The following INPP5D variants were observed in gnomAD, a reference collection of about 807,000 sequenced individuals.
INPP5D encodes inositol polyphosphate-5-phosphatase D.
INPP5D carries 33 observed loss-of-function variants against 122.9 expected under a neutral mutation model. The observed-to-expected ratio is 0.27, with a 90% CI of 0.20 to 0.36. The LOEUF is 0.36. Ranked by LOEUF, INPP5D falls within the 10% of genes least tolerant of loss-of-function variation. The probability of loss-of-function intolerance (pLI) is 1.00; values close to 1 mark genes in which losing one functional copy is unlikely to be tolerated. For missense variants in INPP5D, 1,053 were observed against 1,412.7 expected (o/e 0.75, Z 4.08); for synonymous variants, 584 against 576.2 (o/e 1.01, Z -0.19).
At position 233,194,433 on chromosome 2, in the gene INPP5D, G is replaced by T. The variant is rs865952829; in HGVS notation, c.2596+472G>T. Among the ~76,000 whole-genome samples the T allele has an allele frequency of 1.3e-5, 2 of 149,532 alleles. 1 individual carries two copies. The highest frequency in any genetic ancestry group is 3.0e-5 in the Non-Finnish European group (2 of 67,720). ...CCCATATACAAACAGGCCCTCGTAC[G>T]TACCTAAACCCTGCCCTCATGGTGC... On this transcript the variant is annotated intron_variant, in intron 23 of 26. Transcript: ENST00000445964.
chr2:233,122,864 C>A (rs1693030990), intron 3 of INPP5D, among the ~76,000 whole-genome samples: 2 of 152,154 alleles, frequency 1.3e-5, no homozygotes, highest in Admixed American at 6.5e-5. Context: ...CTCTGCTTCA[C>A]TTGACTAGCC....
chr2:233,190,451 C>T (rs1489546857), intron 22 of INPP5D, among the ~76,000 whole-genome samples: 1 of 152,204 alleles, frequency 6.6e-6, no homozygotes, highest in Non-Finnish European at 1.5e-5. Flanking sequence ...AGGGGCTGCT[C>T]CTTCTGCCCC....
At position 233,141,959 on chromosome 2, in the gene INPP5D, T is replaced by C. The variant is rs1034263191; in HGVS notation, c.753+2030T>C. ...CAGAAAAAAAAATTTTTGCTTTCTC[T>C]GAAGTGAATGATGGGTTAATTTCTA... On this transcript the variant is annotated intron_variant, in intron 6 of 26. Coordinates refer to ENST00000445964, the MANE Select transcript of INPP5D (RefSeq NM_001017915.3). 4.1e-3 allele frequency among the ~76,000 whole-genome samples: 632 copies of C among 152,356 alleles called. 4 individuals are homozygous for C. The highest frequency in any genetic ancestry group is 0.015 in the African/African-American group (608 of 41,584).
intron 2 of INPP5D, among the ~76,000 whole-genome samples, chr2:233,095,710 A>AT (rs34051263): frequency 1.1e-4 from 16 of 149,560 alleles, no homozygotes; most frequent in African/African-American, 3.2e-4. Flanking sequence ...TTTTAAAATA[A>AT]TTTTTTTTTT....
At chr2:233,146,597 A>G (rs1484357499) in intron 8 of INPP5D, among the ~76,000 whole-genome samples, 159 bp downstream of exon 8, 2 of 152,232 alleles carry the variant, frequency 1.3e-5, no homozygotes, top group African/African-American at 2.4e-5. Flanking sequence ...TGTCGCTGTG[A>G]TGGCGGTTCA....
chr2:233,178,329 G>A (rs1250341612), intron 18 of INPP5D, among the ~76,000 whole-genome samples: 2 of 151,968 alleles, frequency 1.3e-5, no homozygotes, highest in African/African-American at 4.8e-5. Flanking sequence ...CACTGAAGGA[G>A]TTCTTAATTG....
At position 233,164,724 on chromosome 2, in the gene INPP5D, C is replaced by T. The variant is rs954989897; in HGVS notation, c.1555+300C>T. Among the ~76,000 whole-genome samples, 1 of 152,088 alleles carries T rather than the reference C, an allele frequency of 6.6e-6. No homozygotes were observed. The highest frequency in any genetic ancestry group is 1.5e-5 in the Non-Finnish European group (1 of 68,030). The stretch of plus-strand genomic sequence containing the variant: ...CCCAGGCGACTTGAGCGCTGCTGGT[C>T]GGCCCGTGGGACCCATTTTAAGAAG... On this transcript the variant is annotated intron_variant, in intron 13 of 26. Coordinates refer to ENST00000445964, the MANE Select transcript of INPP5D (RefSeq NM_001017915.3). This position sits in a 1 kb window ranked among gnomAD's most constrained non-coding sequence, Gnocchi z 4.3.
At chr2:233,199,543 A>T (rs796791312) in intron 25 of INPP5D, among the ~76,000 whole-genome samples, 5 of 152,028 alleles carry the variant, frequency 3.3e-5, no homozygotes, top group African/African-American at 9.6e-5. Flanking sequence ...CTCAAAAAAA[A>T]AAATGGCCAG....
At chr2:233,140,704 T>C (rs971739281) in intron 6 of INPP5D, 10 of 152,132 alleles carry the variant, frequency 6.6e-5, no homozygotes, top group Non-Finnish European at 1.3e-4. Context: ...ACCATGCCAG[T>C]CTCCTTTTAA....
chr2:233,111,078 T>C (rs1692614430), intron 2 of INPP5D, among the ~76,000 whole-genome samples: 1 of 152,232 alleles, frequency 6.6e-6, no homozygotes, highest in African/African-American at 2.4e-5. Context: ...CTGTTTATCA[T>C]CATTTCAGTC....
At chr2:233,107,833 G>A (rs924704381) in intron 2 of INPP5D, among the ~76,000 whole-genome samples, 2 of 152,084 alleles carry the variant, frequency 1.3e-5, no homozygotes, top group Non-Finnish European at 2.9e-5. Flanking sequence ...GTGGGTGCTT[G>A]GGCTCAGTCT....
rs193165133 is a variant in INPP5D, at chr2:233,160,428, C to T, written c.1138-1296C>T. Among the ~76,000 whole-genome samples, 60 of 152,320 alleles carry T rather than the reference C, an allele frequency of 3.9e-4. No individual in the cohort carries two copies. Among genetic ancestry groups the T allele is most frequent in the Non-Finnish European group, 2.4e-4 (16 of 68,028 alleles). ...TAGGCTATGAAAGCCTTCATGTCCT[C>T]TCTTCTTTTTAATTAGTTTCTTTAA... On this transcript the variant is annotated intron_variant, in intron 10 of 26. Transcript: ENST00000445964. The surrounding 1 kb of genome is among the most constrained non-coding windows in gnomAD (Gnocchi z 4.2).
intron 1 of INPP5D, among the ~76,000 whole-genome samples, chr2:233,070,968 C>G (rs563993955): frequency 6.6e-6 from 1 of 151,880 alleles, no homozygotes; most frequent in Non-Finnish European, 1.5e-5. Context: ...ATTAATTTAA[C>G]AAATGATGCA....
intron 9 of INPP5D, among the ~76,000 whole-genome samples, chr2:233,157,383 T>C (rs1478970889): frequency 1.3e-5 from 2 of 151,894 alleles, no homozygotes; most frequent in Non-Finnish European, 2.9e-5. Context: ...ATGAAAGTAG[T>C]TGGTCACATG....
chr2:233,096,923 G>A (rs938113814), intron 2 of INPP5D, among the ~76,000 whole-genome samples: 2 of 152,140 alleles, frequency 1.3e-5, no homozygotes, highest in Non-Finnish European at 1.5e-5. Context: ...TTCATTTACG[G>A]ATTCTGAGTT....
chr2:233,137,897 TACAC>T (rs796742030), intron 5 of INPP5D, among the ~76,000 whole-genome samples: 1 of 44,546 alleles, frequency 2.2e-5, no homozygotes, highest in African/African-American at 7.8e-5. Flanking sequence ...TATATATATA[TACAC>T]ACACACACAC....
At chr2:233,135,693 T>C (rs1474155381) in intron 5 of INPP5D, among the ~76,000 whole-genome samples, 3 of 151,658 alleles carry the variant, frequency 2.0e-5, no homozygotes, top group African/African-American at 7.2e-5. Flanking sequence ...TCTGAAGCCA[T>C]GTCTCCAAGA....
At chr2:233,133,311 G>C (rs893286209) in intron 5 of INPP5D, among the ~76,000 whole-genome samples, 1 of 152,188 alleles carries the variant, frequency 6.6e-6, no homozygotes, top group African/African-American at 2.4e-5. Context: ...GAGAGTGCCA[G>C]CTTCCTTTGG....
intron 2 of INPP5D, among the ~76,000 whole-genome samples, chr2:233,085,406 T>G (rs1160612753): frequency 1.3e-5 from 2 of 151,390 alleles, no homozygotes; most frequent in African/African-American, 4.9e-5. Context: ...AAAAAGAATG[T>G]AGCGTTATGA....
Sources: gnomAD v4.1 joint callset for allele counts (sites outside exome capture counted in the v4.1 genomes callset) on GRCh38, gnomAD v4.1.1 for gene constraint, Gnocchi (gnomAD v3.1) non-coding constraint, MANE v1.5 for transcripts, NCBI Gene and HGNC (gene_info 2026-07-23, HGNC 2026-07-21) for gene names.